Variants in PPWD1 observed in about 807,000 individuals in gnomAD.
The protein encoded by PPWD1 is peptidylprolyl isomerase domain and WD repeat-containing protein 1.
PPWD1 carries 43 observed loss-of-function variants against 68.8 expected under a neutral mutation model. The observed-to-expected ratio is 0.62, with a 90% CI of 0.49 to 0.81. The LOEUF (loss-of-function observed/expected upper bound fraction) is 0.81, where lower values mean the gene tolerates loss of function less well. Ranked by LOEUF, PPWD1 falls within the 30% of genes least tolerant of loss-of-function variation. The pLI is 0.00. For missense variants in PPWD1, 672 were observed against 804.8 expected (o/e 0.83, Z 2.00); for synonymous variants, 232 against 258.7 (o/e 0.90, Z 0.99).
intron 3 of PPWD1, 46 bp downstream of exon 3, chr5:65,569,778 CTAAT>C (rs1157621925): frequency 2.6e-6 from 4 of 1,562,310 alleles, no homozygotes; most frequent in African/African-American, 1.4e-5. Flanking sequence ...CTAAACTATA[CTAAT>C]TAAAGTTTAA....
chr5:65,578,782 G>A (rs1296455973), intron 6 of PPWD1, among the ~76,000 whole-genome samples: 2 of 120,296 alleles, frequency 1.7e-5, no homozygotes, highest in African/African-American at 5.9e-5. Context: ...ACATATATAT[G>A]TGTATATATA....
intron 7 of PPWD1, among the ~76,000 whole-genome samples, chr5:65,580,630 C>G (rs1020182789): frequency 6.6e-6 from 1 of 152,180 alleles, no homozygotes; most frequent in South Asian, 2.1e-4. Flanking sequence ...TCGCCTGCCT[C>G]AGTCTCCTGG....
chr5:65,582,890 T>C, intron 7 of PPWD1, 148 bp from the exon 8 acceptor site: 1 of 1,059,680 alleles, frequency 9.4e-7, no homozygotes, highest in Admixed American at 3.5e-5. Flanking sequence ...GCCTGACACA[T>C]CCTGTATGGG....
chr5:65,569,292 A>G (rs1752909616), intron 2 of PPWD1: 1 of 278,698 alleles, frequency 3.6e-6, no homozygotes, highest in Admixed American at 5.0e-5. Flanking sequence ...CAAATAGTTT[A>G]TTTTCTTGTG....
In PPWD1 at chr5:65,587,328, G is replaced by T. The variant is rs139664723; in HGVS notation, c.1873G>T (p.Val625Phe). The T allele has an allele frequency of 2.3e-4, 365 of 1,612,666 alleles. 4 individuals carry two copies. The East Asian group carries it at 3.3e-3, about 15-fold the overall frequency. Reference protein sequence around the residue: ...GMEVVQRISNVKVNPKTDKPY... With the variant: ...GMEVVQRISNFKVNPKTDKPY... ...GGAAGTTGTACAGAGGATCTCCAAC[G>T]TCAAAGTCAATCCCAAAACAGATAA... Residue 625 changes from valine to phenylalanine, a missense_variant, in exon 11 of 11, where the codon GTC (valine) becomes TTC (phenylalanine). Coordinates refer to ENST00000261308, the MANE Select transcript of PPWD1 (RefSeq NM_015342.4).
intron 2 of PPWD1, among the ~76,000 whole-genome samples, chr5:65,568,680 G>A (rs1474306929): frequency 6.6e-6 from 1 of 152,028 alleles, no homozygotes; most frequent in East Asian, 1.9e-4. Context: ...TGGGAAGTAG[G>A]TGGATTACTT....
At position 65,583,202 on chromosome 5, in the gene PPWD1, C is replaced by G. The variant is rs370514053; in HGVS notation, c.1515C>G (p.Thr505=). The G allele has an allele frequency of 5.7e-6, 9 of 1,588,788 alleles. No homozygotes were observed. The African/African-American group carries it at 1.1e-4, about 19-fold the overall frequency. The change falls in exon 8 of 11, where the codon ACC becomes ACG. Residue 505 remains threonine, a synonymous_variant. Transcript: ENST00000261308. ...IIHTSMGDIH[T]KLFPVECPKT... ...ACACCAGCATGGGAGACATTCACAC[C>G]AAACTTTTTCCTGTTGAGTATGTAT...
chr5:65,584,239 T>C (rs1329926104), intron 8 of PPWD1, among the ~76,000 whole-genome samples: 2 of 152,290 alleles, frequency 1.3e-5, no homozygotes, highest in East Asian at 1.9e-4. Flanking sequence ...TCAAAACCCA[T>C]GTACTCTTCG....
chr5:65,566,836 T>C (rs1294433098), intron 1 of PPWD1, among the ~76,000 whole-genome samples: 1 of 146,424 alleles, frequency 6.8e-6, no homozygotes, highest in Non-Finnish European at 1.5e-5. Context: ...TTTTTTTTGC[T>C]AGTAAAATTG....
Position 65,569,922 on chromosome 5 carries a change from T to C in PPWD1, c.445T>C (p.Cys149Arg). Residue 149 changes from cysteine to arginine, a missense_variant, in exon 4 of 11, where the codon TGT becomes CGT. By Grantham distance (180) the Cys-to-Arg change is radical. Around this residue, in one of 2 missense-constraint regions of PPWD1, gnomAD observed 484 missense variants for 646.2 expected, o/e 0.75. Transcript: ENST00000261308. ...AGTTAGCTCTGAGGGAGCATTGTTC[T>C]GTTCTGTGGGTGATGATAAAGCAAT... is the stretch of plus-strand genomic sequence containing the variant. ...IAVSSEGALF[C>R]SVGDDKAMKV... The C allele has an allele frequency of 6.2e-7, 1 of 1,612,304 alleles. No homozygotes were observed. The highest frequency in any genetic ancestry group is 8.5e-7 in the Non-Finnish European group (1 of 1,178,808).
In PPWD1 at chr5:65,583,210, T is replaced by A; in HGVS notation, c.1523T>A (p.Phe508Tyr). The A allele has an allele frequency of 6.3e-7, 1 of 1,584,708 alleles. No homozygotes were observed. Among genetic ancestry groups the A allele is most frequent in the Non-Finnish European group, 8.6e-7 (1 of 1,167,218 alleles). ...TSMGDIHTKL[F>Y]PVECPKTVEN... is the part of the protein sequence containing the mutation. Reference sequence around the variant, plus strand: ...ATGGGAGACATTCACACCAAACTTTTTCCTGTTGAGTATGTATAACAACTG... The same window carrying A: ...ATGGGAGACATTCACACCAAACTTTATCCTGTTGAGTATGTATAACAACTG... The change falls in exon 8 of 11, where the codon TTT becomes TAT. Residue 508 changes from phenylalanine to tyrosine, a missense_variant. By Grantham distance (22) the Phe-to-Tyr change is conservative (BLOSUM62 3). Transcript: ENST00000261308.
chr5:65,574,448 C>CTTTTTTTT (rs573705705), intron 5 of PPWD1, among the ~76,000 whole-genome samples: 2 of 91,974 alleles, frequency 2.2e-5, no homozygotes, highest in African/African-American at 8.7e-5. Context: ...ACACAAATCT[C>CTTTTTTTT]TTTTTTTTTT....
At chr5:65,571,803 C>T (rs373447649) in intron 4 of PPWD1, 36 bp from the exon 5 acceptor site, 170 of 1,594,006 alleles carry the variant, frequency 1.1e-4, no homozygotes, top group Non-Finnish European at 1.4e-4. Context: ...GTTGTGCTGA[C>T]CTTTTTTTTT....
Position 65,585,996 on chromosome 5 carries a change from A to C in PPWD1, c.1615-3A>C, listed in dbSNP as rs751112469. 1.9e-6 allele frequency: 3 copies of C among 1,611,676 alleles called. No homozygotes were observed. Among genetic ancestry groups the C allele is most frequent in the Admixed American group, 3.3e-5 (2 of 59,788 alleles). ...GTAATGTTTTTGTGTACTTTCTGTT[A>C]AGGGCTTTATGATTCAGACTGGAGA... On this transcript the variant is annotated splice_region_variant and splice_polypyrimidine_tract_variant and intron_variant, in intron 9 of 10. Transcript: ENST00000261308.
Position 65,583,143 on chromosome 5 carries a change from GGAC to G in PPWD1, c.1457_1459del (p.Gly486_Pro487delinsAla). 6.2e-7 allele frequency: 1 copy of G among 1,613,640 alleles called. No homozygotes were observed. Among genetic ancestry groups the G allele is most frequent in the Non-Finnish European group, 8.5e-7 (1 of 1,179,834 alleles). Reference sequence around the variant, plus strand: ...AGTCATGGCAGCTACTCAAGCTGAAGGACCTAAACGAGTTTCGGACAGTGCCAT... The same window carrying G: ...AGTCATGGCAGCTACTCAAGCTGAAGCTAAACGAGTTTCGGACAGTGCCAT... On this transcript the variant is annotated inframe_deletion, in exon 8 of 11. Coordinates refer to ENST00000261308, the MANE Select transcript of PPWD1 (RefSeq NM_015342.4).
In PPWD1 at chr5:65,563,328, T is replaced by C. The variant is rs756293013; in HGVS notation, c.18T>C (p.Gly6=). 2.5e-6 allele frequency: 4 copies of C among 1,613,036 alleles called. No homozygotes were observed. Among genetic ancestry groups the C allele is most frequent in the Admixed American group, 3.3e-5 (2 of 59,780 alleles). MAAES[G]SDFQQRRRRR... ...CGAACAACATGGCGGCGGAAAGTGG[T>C]AGCGATTTTCAGCAGAGACGTAGAA... Residue 6 remains glycine, a synonymous_variant, in exon 1 of 11, where the codon GGT becomes GGC. Coordinates refer to ENST00000261308, the MANE Select transcript of PPWD1 (RefSeq NM_015342.4).
chr5:65,579,473 G>A lies in PPWD1; in HGVS notation c.1210G>A (p.Ala404Thr). The A allele has an allele frequency of 2.5e-6, 4 of 1,598,154 alleles. No individual in the cohort carries two copies. The highest frequency in any genetic ancestry group is 3.4e-6 in the Non-Finnish European group (4 of 1,174,256). ...AGAAAATATTAGAGTGATGCAATTG[G>A]CTTTGTTCCAGGGGATAGCCAAAAA... is the stretch of plus-strand genomic sequence containing the variant. ...KQENIRVMQL[A>T]LFQGIAKKHR... The change falls in exon 7 of 11, where the codon GCT (alanine) becomes ACT (threonine). Residue 404 changes from alanine to threonine, a missense_variant. By Grantham distance (58) the Ala-to-Thr change is moderately conservative (BLOSUM62 0). Coordinates refer to ENST00000261308, the MANE Select transcript of PPWD1 (RefSeq NM_015342.4).
Position 65,583,201 on chromosome 5 carries a change from C to G in PPWD1, c.1514C>G (p.Thr505Ser). ...CACACCAGCATGGGAGACATTCACA[C>G]CAAACTTTTTCCTGTTGAGTATGTA... ...IIHTSMGDIHTKLFPVECPKT... is the reference protein window; with the variant it reads ...IIHTSMGDIHSKLFPVECPKT... The change falls in exon 8 of 11, where the codon ACC becomes AGC. Residue 505 changes from threonine to serine, a missense_variant. Thr to Ser is a moderately conservative substitution (Grantham distance 58). Coordinates refer to ENST00000261308, the MANE Select transcript of PPWD1 (RefSeq NM_015342.4). The G allele has an allele frequency of 6.3e-7, 1 of 1,588,944 alleles. No individual in the cohort carries two copies. The highest frequency in any genetic ancestry group is 2.2e-5 in the East Asian group (1 of 44,546).
chr5:65,571,724 G>T, intron 4 of PPWD1, 115 bp from the exon 5 acceptor site: 1 of 1,450,156 alleles, frequency 6.9e-7, no homozygotes, highest in Non-Finnish European at 9.1e-7. Flanking sequence ...TTTTGAGCAA[G>T]GAATCCAAAA....
Sources: gnomAD v4.1 joint callset for allele counts (sites outside exome capture counted in the v4.1 genomes callset) on GRCh38, gnomAD v4.1.1 for gene constraint, gnomAD v4.1.1 regional missense constraint, MANE v1.5 for transcripts, NCBI Gene and HGNC (gene_info 2026-07-23, HGNC 2026-07-21) for gene names.